The following SCRG1 variants were observed in gnomAD, a reference collection of about 807,000 sequenced individuals.
The protein encoded by SCRG1 is stimulator of chondrogenesis 1.
SCRG1 carries 3 observed loss-of-function variants against 7.7 expected under a neutral mutation model. That is an observed-to-expected ratio of 0.39 (90% confidence interval 0.18 to 1.01). The LOEUF (loss-of-function observed/expected upper bound fraction) is 1.01. SCRG1 is among the 50% of genes least tolerant of loss of function. The pLI, the probability that SCRG1 is intolerant of heterozygous loss-of-function variation, is 0.36. For missense variants in SCRG1, 110 were observed against 117.2 expected (o/e 0.94, Z 0.28); for synonymous variants, 46 against 41.2 (o/e 1.12, Z -0.44).
the SCRG1 span, among the ~76,000 whole-genome samples, chr4:173,490,125 C>G: frequency 6.6e-6 from 1 of 152,102 alleles, no homozygotes; most frequent in Non-Finnish European, 1.5e-5. Flanking sequence ...TCTAAATTGT[C>G]CACGCCAAAT....
chr4:173,408,377 C>A (rs1028846569), upstream of SCRG1, among the ~76,000 whole-genome samples: 6 of 152,128 alleles, frequency 3.9e-5, no homozygotes, highest in African/African-American at 1.4e-4. Flanking sequence ...GGTGAATTAA[C>A]AAAAATTGCC....
the SCRG1 span, among the ~76,000 whole-genome samples, chr4:173,483,942 A>AT: frequency 1.1e-5 from 1 of 92,134 alleles, no homozygotes; most frequent in South Asian, 3.6e-4. Context: ...ATATAATATA[A>AT]ATCATATATA....
the SCRG1 span, among the ~76,000 whole-genome samples, chr4:173,507,128 C>A: frequency 6.6e-6 from 1 of 152,198 alleles, no homozygotes; most frequent in Non-Finnish European, 1.5e-5. This position sits in a 1 kb window ranked among gnomAD's most constrained non-coding sequence, Gnocchi z 4.4. Context: ...GGGAAGGCCG[C>A]GAGATGGTGC....
At chr4:173,462,072 C>A in the SCRG1 span, among the ~76,000 whole-genome samples, 5 of 152,046 alleles carry the variant, frequency 3.3e-5, no homozygotes, top group East Asian at 7.7e-4. Flanking sequence ...TTTAAAATAG[C>A]CTTAAAAGGG....
the SCRG1 span, among the ~76,000 whole-genome samples, chr4:173,425,622 A>G: frequency 6.6e-6 from 1 of 152,180 alleles, no homozygotes; most frequent in East Asian, 1.9e-4. Context: ...CCACTGGCCC[A>G]GGGCCCAATG....
chr4:173,444,543 G>A, the SCRG1 span, among the ~76,000 whole-genome samples: 1 of 152,228 alleles, frequency 6.6e-6, no homozygotes, highest in Admixed American at 6.5e-5. Flanking sequence ...ACAATAGGCT[G>A]TGGGCCGGCT....
At chr4:173,477,567 T>G in the SCRG1 span, among the ~76,000 whole-genome samples, 8 of 152,284 alleles carry the variant, frequency 5.3e-5, no homozygotes, top group East Asian at 1.5e-3. Context: ...ATTTTCTATC[T>G]GGGAGTGGAG....
the SCRG1 span, among the ~76,000 whole-genome samples, chr4:173,441,593 T>A: frequency 2.6e-5 from 4 of 152,322 alleles, no homozygotes; most frequent in East Asian, 7.7e-4. Flanking sequence ...ACTAACTTCA[T>A]TTATTCAGTC....
chr4:173,391,909 C>T lies in SCRG1; in HGVS notation c.-14-481G>A, dbSNP rs1578961491. 1.3e-5 allele frequency among the ~76,000 whole-genome samples: 2 copies of T among 152,290 alleles called. 1 individual carries two copies. The highest frequency in any genetic ancestry group is 4.1e-4 in the South Asian group (2 of 4,832). On this transcript the variant is annotated intron_variant, in intron 1 of 2. Transcript: ENST00000296506. ...GGGGTGGCAGAGTGAGACCTTGACACACACACACACACAGTCACGCACAGG... is the reference window on the plus strand; with the variant it reads ...GGGGTGGCAGAGTGAGACCTTGACATACACACACACACAGTCACGCACAGG...
chr4:173,494,036 C>T, the SCRG1 span, among the ~76,000 whole-genome samples: 1 of 152,184 alleles, frequency 6.6e-6, no homozygotes, highest in African/African-American at 2.4e-5. Context: ...GATTCCTACC[C>T]TCAGCTGTGA....
At chr4:173,492,579 T>C in the SCRG1 span, among the ~76,000 whole-genome samples, 1 of 152,042 alleles carries the variant, frequency 6.6e-6, no homozygotes, top group African/African-American at 2.4e-5. Context: ...ATCAGAGGGA[T>C]TTAGTAGGAG....
chr4:173,486,167 T>C, the SCRG1 span, among the ~76,000 whole-genome samples: 2 of 152,188 alleles, frequency 1.3e-5, no homozygotes, highest in African/African-American at 4.8e-5. Flanking sequence ...TGAAAAAGTA[T>C]GTTGGGCAGT....
At chr4:173,510,817 G>T in the SCRG1 span, among the ~76,000 whole-genome samples, 1 of 152,166 alleles carries the variant, frequency 6.6e-6, no homozygotes, top group Admixed American at 6.5e-5. This position sits in a 1 kb window ranked among gnomAD's most constrained non-coding sequence, Gnocchi z 5.7. Flanking sequence ...TGTCCACGTT[G>T]TCACCAGATC....
the SCRG1 span, chr4:173,468,761 T>C: frequency 6.6e-6 from 1 of 152,214 alleles, no homozygotes; most frequent in African/African-American, 2.4e-5. Context: ...AACTCATCCC[T>C]ACTTTGAAAC....
At chr4:173,399,595 C>T (rs530410411), upstream of SCRG1, 2 of 152,504 alleles carry the variant, frequency 1.3e-5, no homozygotes, top group East Asian at 3.9e-4. Flanking sequence ...CCATCTAGAT[C>T]TGTTACAAAA....
At chr4:173,456,318 T>A in the SCRG1 span, among the ~76,000 whole-genome samples, 1 of 152,218 alleles carries the variant, frequency 6.6e-6, no homozygotes, top group Non-Finnish European at 1.5e-5. Context: ...AAGTTTCTTT[T>A]TAGTGAACAG....
At chr4:173,444,928 G>A in the SCRG1 span, among the ~76,000 whole-genome samples, 4,699 of 152,144 alleles carry the variant, frequency 0.031, 221 homozygotes, top group African/African-American at 0.099. Context: ...AAATCATTTA[G>A]TCTTTTTTTT....
chr4:173,483,263 C>A, the SCRG1 span, among the ~76,000 whole-genome samples: 3,368 of 20,256 alleles, frequency 0.17, 433 homozygotes, highest in Non-Finnish European at 0.28. Context: ...TATGATATAT[C>A]ATATATGATA....
chr4:173,389,995 A>G (rs1321123447), intron 2 of SCRG1: 1 of 247,158 alleles, frequency 4.0e-6, no homozygotes, highest in Non-Finnish European at 8.6e-6. Flanking sequence ...TTTAAAATCA[A>G]GAACTAAAAA....
Sources: gnomAD v4.1 joint callset for allele counts (sites outside exome capture counted in the v4.1 genomes callset) on GRCh38, gnomAD v4.1.1 for gene constraint, Gnocchi (gnomAD v3.1) non-coding constraint, MANE v1.5 for transcripts, NCBI Gene and HGNC (gene_info 2026-07-23, HGNC 2026-07-21) for gene names.